The following PIGB variants were observed in gnomAD, a reference collection of about 807,000 sequenced individuals.
PIGB encodes GPI alpha-1,2-mannosyltransferase 3.
A neutral mutation model predicts 68.4 loss-of-function variants in PIGB; 58 were observed. That is an observed-to-expected ratio of 0.85 (90% CI 0.69 to 1.06). PIGB has a LOEUF of 1.06. Among genes scored for constraint, PIGB ranks in the 50% least tolerant of loss-of-function variants. PIGB has a pLI of 0.00. For synonymous variants in PIGB, 219 were observed against 220.5 expected (o/e 0.99, Z 0.06); for missense variants, 634 against 655.8 (o/e 0.97, Z 0.36).
chr15:55,327,580 T>A lies in PIGB; in HGVS notation c.467T>A (p.Val156Glu). 6.2e-7 allele frequency: 1 copy of A among 1,612,506 alleles called. No homozygotes were observed. The highest frequency in any genetic ancestry group is 8.5e-7 in the Non-Finnish European group (1 of 1,179,348). Residue 156 changes from valine (V) to glutamate (E), a missense_variant, in exon 4 of 12, where the codon GTG becomes GAG. Physicochemically the swap from Val to Glu is moderately radical, Grantham distance 121 (BLOSUM62 -2). Transcript: ENST00000164305. ...AQALLSAVAD[V>E]RLYSLMKQLE... The stretch of plus-strand genomic sequence containing the variant: ...GCACTTCTGTCTGCTGTAGCAGATG[T>A]GAGACTTTACTCATTAATGAAGCAA...
chr15:55,341,119 T>A (rs2055661716), intron 8 of PIGB, among the ~76,000 whole-genome samples: 1 of 151,638 alleles, frequency 6.6e-6, no homozygotes, highest in South Asian at 2.1e-4. Flanking sequence ...TTCAATACTT[T>A]GAAGGCCAAG....
chr15:55,351,397 G>A (rs896609995), intron 10 of PIGB, among the ~76,000 whole-genome samples: 3 of 151,806 alleles, frequency 2.0e-5, no homozygotes, highest in Non-Finnish European at 2.9e-5. Context: ...GTGAGCCACC[G>A]TGCTCGGCCG....
chr15:55,336,258 G>T (rs1005503212), intron 6 of PIGB, among the ~76,000 whole-genome samples: 1 of 152,146 alleles, frequency 6.6e-6, no homozygotes. Flanking sequence ...GTGGCACTAG[G>T]CACGCCTGTG....
chr15:55,345,311 G>C (rs8037056), intron 9 of PIGB, among the ~76,000 whole-genome samples: 76,363 of 151,996 alleles, frequency 0.5, 22,288 homozygotes, highest in African/African-American at 0.8. Context: ...AAAACAATCA[G>C]TTAAGCATTC....
At position 55,350,902 on chromosome 15, in the gene PIGB, C is replaced by T; in HGVS notation, c.1327C>T (p.Pro443Ser). Residue 443 changes from proline to serine, a missense_variant, in exon 10 of 12, where the codon CCT (proline) becomes TCT (serine). Pro to Ser is a moderately conservative substitution (Grantham distance 74). Transcript: ENST00000164305. The part of the protein sequence containing the change: ...IFIMMPCHST[P>S]YYSHVHCPLP... ...TATAATGATGCCTTGCCACTCTACTCCTTATTACAGGTAATAAAAGATGTT... is the reference window on the plus strand; with the variant it reads ...TATAATGATGCCTTGCCACTCTACTTCTTATTACAGGTAATAAAAGATGTT... 1 of 1,544,114 alleles carries T rather than the reference C, an allele frequency of 6.5e-7. No homozygotes were observed. The highest frequency in any genetic ancestry group is 8.9e-7 in the Non-Finnish European group (1 of 1,119,122).
intron 4 of PIGB, among the ~76,000 whole-genome samples, chr15:55,328,729 AGGC>A (rs2055345494): frequency 6.6e-6 from 1 of 152,148 alleles, no homozygotes; most frequent in East Asian, 1.9e-4. Context: ...GCACTTTGGG[AGGC>A]TGAGGTGGGC....
chr15:55,321,197 G>C (rs1332748133), intron 2 of PIGB, 76 bp from the exon 3 acceptor site: 1 of 1,324,212 alleles, frequency 7.6e-7, no homozygotes, highest in South Asian at 1.6e-5. Flanking sequence ...AAGAGAGTGA[G>C]ACCCCATCTT....
intron 9 of PIGB, chr15:55,349,498 T>C (rs969811111): frequency 6.6e-6 from 1 of 152,240 alleles, no homozygotes; most frequent in African/African-American, 2.4e-5. Context: ...CATTTTACCA[T>C]TTCAAACATC....
intron 6 of PIGB, among the ~76,000 whole-genome samples, chr15:55,335,129 AC>A (rs1263782907): frequency 6.6e-6 from 1 of 152,238 alleles, no homozygotes; most frequent in Non-Finnish European, 1.5e-5. Flanking sequence ...AGTAGGCTAT[AC>A]CATATAGCCT....
Position 55,321,272 on chromosome 15 carries a change from A to G in PIGB, c.300-1A>G, listed in dbSNP as rs779396788. On this transcript the variant is annotated splice_acceptor_variant, in intron 2 of 11. Transcript: ENST00000164305. LOFTEE classifies it high-confidence loss of function. ...GGACATTTACTCCTTAATGTTACTA[A>G]TTATGGTTATTTGACTTGGGAATGG... 15 of 1,596,702 alleles carry G rather than the reference A, an allele frequency of 9.4e-6. No individual in the cohort carries two copies. The highest frequency in any genetic ancestry group is 7.0e-5 in the Admixed American group (4 of 57,256).
At chr15:55,344,890 CTTTTTTTTT>C (rs1164109873) in intron 9 of PIGB, among the ~76,000 whole-genome samples, 6 of 98,904 alleles carry the variant, frequency 6.1e-5, no homozygotes, top group African/African-American at 2.1e-4. Flanking sequence ...ATATTCTTAT[CTTTTTTTTT>C]TTTTTTTTTT....
At chr15:55,337,756 A>G (rs780429136) in intron 6 of PIGB, among the ~76,000 whole-genome samples, 8 of 152,200 alleles carry the variant, frequency 5.3e-5, no homozygotes, top group Non-Finnish European at 7.3e-5. Flanking sequence ...ACTATTCACA[A>G]TAGCTGGAAA....
chr15:55,329,618 G>A, intron 4 of PIGB, 106 bp from the exon 5 acceptor site: 3 of 907,040 alleles, frequency 3.3e-6, no homozygotes, highest in Non-Finnish European at 4.9e-6. Context: ...TCTACCTTTT[G>A]ATGTCCTTTT....
chr15:55,329,254 A>G (rs1380000661), intron 4 of PIGB, among the ~76,000 whole-genome samples: 1 of 152,106 alleles, frequency 6.6e-6, no homozygotes, highest in African/African-American at 2.4e-5. Flanking sequence ...TTAATTTTTC[A>G]TCAGCGTTCC....
At chr15:55,322,139 A>AT (rs1343893351) in intron 3 of PIGB, among the ~76,000 whole-genome samples, 2 of 151,900 alleles carry the variant, frequency 1.3e-5, no homozygotes, top group Non-Finnish European at 2.9e-5. Context: ...ACGCCATTGC[A>AT]TTCTAGCCTG....
chr15:55,349,132 CT>C (rs61175737), intron 9 of PIGB, among the ~76,000 whole-genome samples: 4,062 of 151,754 alleles, frequency 0.027, 172 homozygotes, highest in African/African-American at 0.09. Context: ...ATCCGCCTGC[CT>C]TGTCCTCCCA....
At chr15:55,345,178 C>T (rs1322215361) in intron 9 of PIGB, among the ~76,000 whole-genome samples, 1 of 151,922 alleles carries the variant, frequency 6.6e-6, no homozygotes, top group Non-Finnish European at 1.5e-5. Flanking sequence ...GCATGAGGCA[C>T]CACAGCTGGC....
At position 55,350,773 on chromosome 15, in the gene PIGB, G is replaced by C. The variant is rs199699580; in HGVS notation, c.1198G>C (p.Ala400Pro). 1 of 1,613,300 alleles carries C rather than the reference G, an allele frequency of 6.2e-7. No individual in the cohort carries two copies. The highest frequency in any genetic ancestry group is 1.3e-5 in the African/African-American group (1 of 74,962). Residue 400 changes from alanine (A) to proline (P), a missense_variant, in exon 10 of 12, where the codon GCC (alanine) becomes CCC (proline). Physicochemically the swap from Ala to Pro is conservative, Grantham distance 27. Transcript: ENST00000164305. ...CCTGTTTTTATCAAATTTGTTCCTC[G>C]CCCTTTATACTGGTTTAGTTCATCA... is the stretch of plus-strand genomic sequence containing the variant. The part of the protein sequence containing the change: ...SFLFLSNLFL[A>P]LYTGLVHQRG...
intron 6 of PIGB, among the ~76,000 whole-genome samples, chr15:55,337,934 ATTC>A (rs1566953646): frequency 1.3e-5 from 2 of 152,212 alleles, no homozygotes; most frequent in Admixed American, 6.5e-5. Context: ...GTATGATCCT[ATTC>A]TTATAAAATT....
Sources: gnomAD v4.1 joint callset for allele counts (sites outside exome capture counted in the v4.1 genomes callset) on GRCh38, gnomAD v4.1.1 for gene constraint, MANE v1.5 for transcripts, NCBI Gene and HGNC (gene_info 2026-07-23, HGNC 2026-07-21) for gene names.